FAM83B: variants seen among roughly 807,000 people sequenced by gnomAD.
FAM83B encodes the protein scaffolding CK1 anchoring protein B, also known as protein FAM83B.
A neutral mutation model predicts 38.8 loss-of-function variants in FAM83B; 26 were observed. The observed-to-expected ratio is 0.67, with a 90% CI of 0.49 to 0.93. The LOEUF (loss-of-function observed/expected upper bound fraction) is 0.93. Among genes scored for constraint, FAM83B ranks in the 40% least tolerant of loss-of-function variants. FAM83B has a pLI of 0.00. For missense variants in FAM83B, 1,237 were observed against 1,197.3 expected, an observed-to-expected ratio of 1.03 and a Z score of -0.49; for synonymous variants, 419 against 423.1, an observed-to-expected ratio of 0.99 and a Z score of 0.12.
At chr6:54,936,076 A>G (rs239790) in intron 4 of FAM83B, among the ~76,000 whole-genome samples, 97,897 of 151,900 alleles carry the variant, frequency 0.64, 33,417 homozygotes, top group East Asian at 0.89. Flanking sequence ...TTCGGACTTC[A>G]TAGTTAATGG....
At chr6:54,893,136 C>T (rs1460714821) in intron 2 of FAM83B, among the ~76,000 whole-genome samples, 3 of 152,098 alleles carry the variant, frequency 2.0e-5, no homozygotes, top group Non-Finnish European at 4.4e-5. Context: ...ATCAGCACTG[C>T]CCAGTCAAGT....
chr6:54,901,248 T>A (rs1772654136), intron 2 of FAM83B, among the ~76,000 whole-genome samples: 1 of 152,044 alleles, frequency 6.6e-6, no homozygotes, highest in Non-Finnish European at 1.5e-5. Context: ...CTACCATGTG[T>A]TCTTAGACTG....
intron 4 of FAM83B, among the ~76,000 whole-genome samples, chr6:54,937,432 G>A (rs1008857499): frequency 2.6e-5 from 4 of 151,882 alleles, no homozygotes; most frequent in Non-Finnish European, 5.9e-5. Flanking sequence ...GGTTTCTGAA[G>A]CCTGCATTTA....
chr6:54,880,705 G>C lies in FAM83B; in HGVS notation c.444+10015G>C, dbSNP rs1284758378. Among the ~76,000 whole-genome samples, 2 of 151,998 alleles carry C rather than the reference G, an allele frequency of 1.3e-5. 1 individual carries two copies. The highest frequency in any genetic ancestry group is 1.3e-4 in the Admixed American group (2 of 15,262). ...TGATCTGTCCGCCTCGGCCTCCCCAGGTGCTGGGATTAAAGGTGTGAGCCA... is the reference window on the plus strand; with the variant it reads ...TGATCTGTCCGCCTCGGCCTCCCCACGTGCTGGGATTAAAGGTGTGAGCCA... On this transcript the variant is annotated intron_variant, in intron 2 of 4. Coordinates refer to ENST00000306858, the MANE Select transcript of FAM83B (RefSeq NM_001010872.3).
In FAM83B at chr6:54,927,652, C is replaced by A; in HGVS notation, c.734+20C>A. 1 of 1,431,300 alleles carries A rather than the reference C, an allele frequency of 7.0e-7. No homozygotes were observed. Among genetic ancestry groups the A allele is most frequent in the East Asian group, 2.9e-5 (1 of 34,450 alleles). 88.7% of individuals were successfully genotyped at this position (1,431,300 alleles called of 1,614,324 possible). ...TTACAGGTAAGATCATTGTGTTTAA[C>A]TTCAGTGTTATCAATCGTTTTGATG... is the stretch of plus-strand genomic sequence containing the variant. On this transcript the variant is annotated intron_variant, in intron 4 of 4. Transcript: ENST00000306858.
intron 1 of FAM83B, among the ~76,000 whole-genome samples, chr6:54,867,051 A>T (rs1771723994): frequency 6.6e-6 from 1 of 151,076 alleles, no homozygotes; most frequent in East Asian, 1.9e-4. Flanking sequence ...GATAAGCCTA[A>T]TGGTCTGCTC....
chr6:54,846,392 G>A (rs1420367146), upstream of FAM83B, among the ~76,000 whole-genome samples: 1 of 152,152 alleles, frequency 6.6e-6, no homozygotes, highest in Non-Finnish European at 1.5e-5. Flanking sequence ...GCCTAGATCC[G>A]CCTTCTTCCC....
At chr6:54,923,829 T>G (rs1561926405) in intron 2 of FAM83B, among the ~76,000 whole-genome samples, 1 of 151,898 alleles carries the variant, frequency 6.6e-6, no homozygotes, top group Non-Finnish European at 1.5e-5. Flanking sequence ...CAGTTACTAG[T>G]CTTTACTTTA....
At chr6:54,898,480 G>T (rs1772586847) in intron 2 of FAM83B, among the ~76,000 whole-genome samples, 1 of 152,118 alleles carries the variant, frequency 6.6e-6, no homozygotes, top group Non-Finnish European at 1.5e-5. Context: ...ATGAAGTGCT[G>T]CCCATCATTG....
Position 54,870,168 on chromosome 6 carries a change from T to G in FAM83B, c.-60-19T>G. Reference sequence around the variant, plus strand: ...CCGAATTTTAACTTGATCTTGATTTTCTTCTTTTCAAATACCAGATACTTC... The same window carrying G: ...CCGAATTTTAACTTGATCTTGATTTGCTTCTTTTCAAATACCAGATACTTC... On this transcript the variant is annotated intron_variant, in intron 1 of 4. Transcript: ENST00000306858. 1 of 1,087,000 alleles carries G rather than the reference T, an allele frequency of 9.2e-7. No individual in the cohort carries two copies. The highest frequency in any genetic ancestry group is 1.3e-6 in the Non-Finnish European group (1 of 743,592). The allele number at this position is 1,087,000 out of a possible 1,614,324, so 67.3% of individuals were successfully genotyped here.
Position 54,940,254 on chromosome 6 carries a change from C to T in FAM83B, c.1283C>T (p.Ser428Leu). 3.7e-6 allele frequency: 6 copies of T among 1,614,028 alleles called. No individual in the cohort carries two copies. The highest frequency in any genetic ancestry group is 5.1e-6 in the Non-Finnish European group (6 of 1,179,988). The change falls in exon 5 of 5, where the codon TCA (serine) becomes TTA (leucine). Residue 428 changes from serine (S) to leucine (L), a missense_variant. Physicochemically the swap from Ser to Leu is moderately radical, Grantham distance 145 (BLOSUM62 -2). Transcript: ENST00000306858. ...TCTGATAGTCTCAGTGTGGCGTCCT[C>T]ATCACGGGAAGGCTATGTAAGCCAC... ...KPSDSLSVAS[S>L]SREGYVSHHN...
chr6:54,879,638 G>GA (rs1209753674), intron 2 of FAM83B, among the ~76,000 whole-genome samples: 1 of 152,142 alleles, frequency 6.6e-6, no homozygotes, highest in Non-Finnish European at 1.5e-5. Context: ...AAGGAAAGCA[G>GA]AGTTGTTGAG....
At chr6:54,893,090 T>A (rs1772442916) in intron 2 of FAM83B, among the ~76,000 whole-genome samples, 1 of 152,110 alleles carries the variant, frequency 6.6e-6, no homozygotes, top group Non-Finnish European at 1.5e-5. Context: ...CAGTCAACTT[T>A]AGATGACTGC....
At chr6:54,864,627 A>G (rs1239272576) in intron 1 of FAM83B, among the ~76,000 whole-genome samples, 2 of 152,212 alleles carry the variant, frequency 1.3e-5, no homozygotes. Flanking sequence ...CAGCTTGAAT[A>G]TTATAGTCAA....
At chr6:54,877,059 C>T (rs1772013922) in intron 2 of FAM83B, among the ~76,000 whole-genome samples, 1 of 152,154 alleles carries the variant, frequency 6.6e-6, no homozygotes, top group Non-Finnish European at 1.5e-5. Flanking sequence ...GCCTAAACAC[C>T]TAAATTCCAG....
chr6:54,880,028 T>G (rs1157395877), intron 2 of FAM83B, among the ~76,000 whole-genome samples: 2 of 152,250 alleles, frequency 1.3e-5, no homozygotes, highest in Non-Finnish European at 2.9e-5. Context: ...TCATCTGATT[T>G]TAAGCTAATA....
At chr6:54,902,052 G>A (rs903742647) in intron 2 of FAM83B, among the ~76,000 whole-genome samples, 1 of 152,068 alleles carries the variant, frequency 6.6e-6, no homozygotes, top group African/African-American at 2.4e-5. Flanking sequence ...TCATAATGAA[G>A]GGATTGGTGT....
At chr6:54,883,655 A>G (rs1772195892) in intron 2 of FAM83B, among the ~76,000 whole-genome samples, 1 of 151,044 alleles carries the variant, frequency 6.6e-6, no homozygotes, top group Non-Finnish European at 1.5e-5. Flanking sequence ...AAACTAGGTT[A>G]TTTTTCTTTT....
At chr6:54,847,973 A>G (rs1437533988) in intron 1 of FAM83B, among the ~76,000 whole-genome samples, 4 of 152,010 alleles carry the variant, frequency 2.6e-5, no homozygotes, top group Admixed American at 6.5e-5. Context: ...TCCCTTTCTC[A>G]TCCTAACAAG....
Sources: allele counts gnomAD v4.1 joint callset (sites outside exome capture counted in the v4.1 genomes callset), GRCh38; gene constraint gnomAD v4.1.1; transcripts MANE v1.5; gene names NCBI Gene and HGNC (gene_info 2026-07-23, HGNC 2026-07-21).